The following HACD3 variants were observed in gnomAD, a reference collection of about 807,000 sequenced individuals.
HACD3 encodes the protein 3-hydroxyacyl-CoA dehydratase 3.
Under a neutral mutation model 55.2 loss-of-function variants are expected in HACD3, and 30 were observed. The observed-to-expected ratio is 0.54, with a 90% CI of 0.41 to 0.74. The LOEUF (loss-of-function observed/expected upper bound fraction) is 0.74. Ranked by LOEUF, HACD3 falls within the 30% of genes least tolerant of loss-of-function variation. The pLI is 0.00. For synonymous variants in HACD3, 141 were observed against 151.7 expected (o/e 0.93, Z 0.52); for missense variants, 363 against 440.1 (o/e 0.82, Z 1.57).
rs1006929341 is a variant in HACD3 at position 65,562,730 on chromosome 15, G to A, written c.422-44G>A. On this transcript the variant is annotated intron_variant, in intron 5 of 10. Coordinates refer to ENST00000261875, the MANE Select transcript of HACD3 (RefSeq NM_016395.4). ...TGCCTCATACACCTGTCTCCTGCTG[G>A]GACTATTGCTTTTAATAGCTTACTG... 4 of 1,597,994 alleles carry A rather than the reference G, an allele frequency of 2.5e-6. No individual in the cohort carries two copies. In the African/African-American group the frequency reaches 5.4e-5, roughly 21 times the overall value.
intron 5 of HACD3, among the ~76,000 whole-genome samples, chr15:65,561,094 T>C (rs1341610699): frequency 6.6e-6 from 1 of 152,208 alleles, no homozygotes; most frequent in East Asian, 1.9e-4. Context: ...TTTCATTTAC[T>C]GTATCTGTCT....
At chr15:65,575,067 T>A (rs1334890386) in intron 10 of HACD3, among the ~76,000 whole-genome samples, 1 of 152,246 alleles carries the variant, frequency 6.6e-6, no homozygotes, top group Non-Finnish European at 1.5e-5. Context: ...TTGCTTATAG[T>A]GAATATGTAG....
At chr15:65,571,426 A>G (rs1468214510) in intron 8 of HACD3, 122 bp from the exon 9 acceptor site, 2 of 697,376 alleles carry the variant, frequency 2.9e-6, no homozygotes, top group Non-Finnish European at 4.8e-6. Context: ...CCAGCGTTAT[A>G]ATTCTGTTCT....
chr15:65,546,316 TA>T (rs2072076623), intron 1 of HACD3, among the ~76,000 whole-genome samples: 1 of 152,224 alleles, frequency 6.6e-6, no homozygotes, highest in Admixed American at 6.5e-5. Context: ...GTAGATTTTT[TA>T]TTAGATAATA....
intron 1 of HACD3, among the ~76,000 whole-genome samples, chr15:65,532,691 T>C (rs2071914387): frequency 6.6e-6 from 1 of 151,982 alleles, no homozygotes. Context: ...AAATCATTTT[T>C]CCCCCTTATT....
intron 5 of HACD3, among the ~76,000 whole-genome samples, chr15:65,560,176 T>C (rs1188513730): frequency 6.6e-6 from 1 of 152,120 alleles, no homozygotes; most frequent in African/African-American, 2.4e-5. Context: ...TGTGCCTGGC[T>C]TAGGCTGCTT....
At chr15:65,555,386 G>C (rs777895882) in intron 3 of HACD3, among the ~76,000 whole-genome samples, 8 of 152,188 alleles carry the variant, frequency 5.3e-5, no homozygotes, top group Non-Finnish European at 7.3e-5. Flanking sequence ...AGTTGCAGGT[G>C]AGAAAAATAG....
chr15:65,567,930 CTTTT>C (rs747363151), intron 7 of HACD3, among the ~76,000 whole-genome samples: 1 of 130,984 alleles, frequency 7.6e-6, no homozygotes. Flanking sequence ...TAGTTTCTTT[CTTTT>C]TTTTTTTTTT....
rs954728850 is a variant in HACD3 at position 65,577,338 on chromosome 15, A to C, written c.*959A>C. 1 of 152,226 alleles carries C rather than the reference A, an allele frequency of 6.6e-6. No homozygotes were observed. Among genetic ancestry groups the C allele is most frequent in the African/African-American group, 2.4e-5 (1 of 41,422 alleles). 9.4% of individuals were successfully genotyped at this position (152,226 alleles called of 1,614,324 possible). ...CTACTCAAGAAGCTGAGATGGGAGGATCCTGAGCTCAGGAGGTCAAGGCTG... is the reference window on the plus strand; with the variant it reads ...CTACTCAAGAAGCTGAGATGGGAGGCTCCTGAGCTCAGGAGGTCAAGGCTG... On this transcript the variant is annotated 3_prime_UTR_variant, in exon 11 of 11. Coordinates refer to ENST00000261875, the MANE Select transcript of HACD3 (RefSeq NM_016395.4).
At chr15:65,575,690 G>A (rs1429155222) in intron 10 of HACD3, among the ~76,000 whole-genome samples, 1 of 152,100 alleles carries the variant, frequency 6.6e-6, no homozygotes, top group Non-Finnish European at 1.5e-5. Flanking sequence ...TAGATGAATA[G>A]GGATGTGATA....
chr15:65,536,424 T>C (rs1406674604), intron 1 of HACD3, among the ~76,000 whole-genome samples: 1 of 152,138 alleles, frequency 6.6e-6, no homozygotes, highest in Non-Finnish European at 1.5e-5. Flanking sequence ...TCCTTGGGCC[T>C]CTCCTCTGAG....
chr15:65,566,191 A>C (rs900434896), intron 7 of HACD3: 1 of 152,188 alleles, frequency 6.6e-6, no homozygotes, highest in African/African-American at 2.4e-5. Flanking sequence ...CGAGGTTCCA[A>C]ACTTACCTAC....
In HACD3 at chr15:65,558,736, G is replaced by C. The variant is rs1231549977; in HGVS notation, c.421+5G>C. 1.3e-6 allele frequency: 2 copies of C among 1,599,810 alleles called. No homozygotes were observed. The highest frequency in any genetic ancestry group is 1.7e-4 in the Middle Eastern group (1 of 6,046). ...AAAGCGAAGGCTCTCCTGAAAGTAAGTTGTGCTGCTGCCATGGTAGTTACC... is the reference window on the plus strand; with the variant it reads ...AAAGCGAAGGCTCTCCTGAAAGTAACTTGTGCTGCTGCCATGGTAGTTACC... On this transcript the variant is annotated splice_donor_5th_base_variant and intron_variant, in intron 5 of 10. Coordinates refer to ENST00000261875, the MANE Select transcript of HACD3 (RefSeq NM_016395.4).
chr15:65,552,233 T>C (rs2072140726), intron 2 of HACD3, among the ~76,000 whole-genome samples: 1 of 152,208 alleles, frequency 6.6e-6, no homozygotes, highest in African/African-American at 2.4e-5. Flanking sequence ...ATACAGCTAC[T>C]GATTGCATGG....
chr15:65,549,426 G>GAAAA (rs34149100), intron 1 of HACD3, among the ~76,000 whole-genome samples: 20 of 111,050 alleles, frequency 1.8e-4, no homozygotes, highest in African/African-American at 6.3e-4. Context: ...TCTCTGCTGG[G>GAAAA]AAAAAAAAAA....
rs114297855 is a variant in HACD3 at position 65,572,564 on chromosome 15, T to C, written c.1012+198T>C. 2.9e-3 allele frequency among the ~76,000 whole-genome samples: 440 copies of C among 152,310 alleles called. 2 individuals are homozygous for C. Among genetic ancestry groups the C allele is most frequent in the African/African-American group, 0.01 (422 of 41,564 alleles). ...CTTTTCTAAATCTCCAGCAGTTAAATTATGTTCTTTAAGTGCTCTTGGTGA... is the reference window on the plus strand; with the variant it reads ...CTTTTCTAAATCTCCAGCAGTTAAACTATGTTCTTTAAGTGCTCTTGGTGA... On this transcript the variant is annotated intron_variant, in intron 10 of 10. Transcript: ENST00000261875.
chr15:65,546,379 T>C (rs1450278531), intron 1 of HACD3, among the ~76,000 whole-genome samples: 1 of 152,248 alleles, frequency 6.6e-6, no homozygotes, highest in Non-Finnish European at 1.5e-5. Context: ...TACAAGATAA[T>C]ATAATTTCTT....
At chr15:65,562,011 C>T (rs1046929449) in intron 5 of HACD3, among the ~76,000 whole-genome samples, 1 of 152,198 alleles carries the variant, frequency 6.6e-6, no homozygotes, top group Non-Finnish European at 1.5e-5. Context: ...GGAAGTGGCG[C>T]GGAGCTTCCA....
chr15:65,575,335 C>T (rs895157712), intron 10 of HACD3, among the ~76,000 whole-genome samples: 2 of 151,996 alleles, frequency 1.3e-5, no homozygotes, highest in Non-Finnish European at 1.5e-5. Flanking sequence ...TTACAGGCAC[C>T]TGCCACCATG....
Sources: allele counts gnomAD v4.1 joint callset (sites outside exome capture counted in the v4.1 genomes callset), GRCh38; gene constraint gnomAD v4.1.1; transcripts MANE v1.5; gene names NCBI Gene and HGNC (gene_info 2026-07-23, HGNC 2026-07-21).